The following LMAN1L variants were observed in gnomAD, a reference collection of about 807,000 sequenced individuals.
The protein encoded by LMAN1L is lectin, mannose binding 1 like.
In LMAN1L, 60 loss-of-function variants were observed where a neutral mutation model predicts 58.3. The ratio of observed to expected loss-of-function variants is 1.03; its 90% CI spans 0.84 to 1.27. The LOEUF is 1.27. Ranked by LOEUF, LMAN1L falls within the 50% of genes most tolerant of loss-of-function variation. The pLI is 0.00. For synonymous variants in LMAN1L, 280 were observed against 271.6 expected, an observed-to-expected ratio of 1.03 and a Z score of -0.31; for missense variants, 629 against 674.0, an observed-to-expected ratio of 0.93 and a Z score of 0.74.
At position 74,816,469 on chromosome 15, in the gene LMAN1L, C is replaced by CT; in HGVS notation, c.375dup (p.Gly126TrpfsTer14). 1 of 1,552,578 alleles carries CT rather than the reference C, an allele frequency of 6.4e-7. No individual in the cohort carries two copies. Among genetic ancestry groups the CT allele is most frequent in the Non-Finnish European group, 8.7e-7 (1 of 1,145,776 alleles). On this transcript the variant is annotated frameshift_variant, in exon 3 of 14. Coordinates refer to ENST00000309664, the MANE Select transcript of LMAN1L (RefSeq NM_021819.3). LOFTEE classifies it high-confidence loss of function. ...GGGCAGGGGCCATGTAGGCTCTGTC[C>CT]TTGGGGGGCTGGCTTCGTGGGACGG...
intron 4 of LMAN1L, 58 bp downstream of exon 4, chr15:74,816,748 C>A: frequency 6.7e-7 from 1 of 1,499,378 alleles, no homozygotes; most frequent in Non-Finnish European, 9.1e-7. Flanking sequence ...AGGGGCCCAT[C>A]CCCCCCATCC....
intron 4 of LMAN1L, 112 bp downstream of exon 4, chr15:74,816,802 G>A (rs1596378245): frequency 2.1e-5 from 22 of 1,048,072 alleles, no homozygotes; most frequent in East Asian, 5.4e-5. Context: ...CCACCCTGCC[G>A]GGCCGCCATA....
intron 7 of LMAN1L, 190 bp downstream of exon 7, chr15:74,820,289 C>T (rs1271573975): frequency 1.6e-6 from 1 of 636,952 alleles, no homozygotes; most frequent in East Asian, 2.7e-5. Context: ...GGCTGGCTGG[C>T]TCAGGCTGTG....
intron 9 of LMAN1L, 52 bp from the exon 10 acceptor site, chr15:74,821,777 G>A: frequency 1.7e-6 from 2 of 1,210,262 alleles, no homozygotes; most frequent in Non-Finnish European, 2.4e-6. Flanking sequence ...GTGTGGGGAA[G>A]AGGGGAGGGG....
At chr15:74,823,951 A>G (rs970706018) in intron 12 of LMAN1L, 1 of 520,188 alleles carries the variant, frequency 1.9e-6, no homozygotes, top group Non-Finnish European at 3.4e-6. Context: ...TCGATCCAAT[A>G]TCCAATGACC....
rs2063933545 is a variant in LMAN1L at position 74,824,754 on chromosome 15, G to A, written c.1451+276G>A. ...GTCAATGCCATGATGTCAGGAAGCT[G>A]AGGGGCTACGAGAGTGCAGGAGAAC... On this transcript the variant is annotated intron_variant, in intron 13 of 13. Coordinates refer to ENST00000309664, the MANE Select transcript of LMAN1L (RefSeq NM_021819.3). 5 of 359,368 alleles carry A rather than the reference G, an allele frequency of 1.4e-5. No individual in the cohort carries two copies. In the East Asian group the frequency reaches 2.4e-4, roughly 18 times the overall value. 22.3% of individuals were successfully genotyped at this position (359,368 alleles called of 1,614,324 possible). A position where few individuals can be genotyped will look rare whatever the true frequency, so the allele number is the denominator to read the frequency against.
In LMAN1L at chr15:74,820,060, G is replaced by C. The variant is rs745454037; in HGVS notation, c.735G>C (p.Leu245=). The C allele has an allele frequency of 5.3e-5, 85 of 1,614,020 alleles. No homozygotes were observed. The highest frequency in any genetic ancestry group is 6.9e-5 in the Non-Finnish European group (82 of 1,180,002). Residue 245 remains leucine (L), a synonymous_variant, in exon 7 of 14, where the codon CTG becomes CTC. Coordinates refer to ENST00000309664, the MANE Select transcript of LMAN1L (RefSeq NM_021819.3). ...CCCTTCCAGATGATCATGATGTCCTGTCCTTCCTGACCTTCAGCCTGAGTG... is the reference window on the plus strand; with the variant it reads ...CCCTTCCAGATGATCATGATGTCCTCTCCTTCCTGACCTTCAGCCTGAGTG... ...TGTLADDHDV[L]SFLTFSLSEP...
At chr15:74,814,344 C>T (rs1257405408) in intron 1 of LMAN1L, among the ~76,000 whole-genome samples, 1 of 149,370 alleles carries the variant, frequency 6.7e-6, no homozygotes, top group Non-Finnish European at 1.5e-5. Context: ...CAGGTGTGTG[C>T]CACCACACGC....
At chr15:74,824,238 G>A (rs2063930693) in intron 12 of LMAN1L, 113 bp from the exon 13 acceptor site, 5 of 1,015,092 alleles carry the variant, frequency 4.9e-6, no homozygotes, top group Non-Finnish European at 7.3e-6. Flanking sequence ...ATGAGAGCCA[G>A]GACGCCCCAA....
At chr15:74,824,251 C>A in intron 12 of LMAN1L, 100 bp from the exon 13 acceptor site, 1 of 1,208,534 alleles carries the variant, frequency 8.3e-7, no homozygotes, top group Non-Finnish European at 1.2e-6. Context: ...CGCCCCAAGC[C>A]TGGGGAAAGG....
chr15:74,821,865 GGGA>G lies in LMAN1L; in HGVS notation c.1099_1101del (p.Arg367del). 1 of 1,612,832 alleles carries G rather than the reference GGGA, an allele frequency of 6.2e-7. No homozygotes were observed. The highest frequency in any genetic ancestry group is 8.5e-7 in the Non-Finnish European group (1 of 1,179,028). Reference sequence around the variant, plus strand: ...TTCCTGCCAGATTCCATCCACCCCAGGGAGGGGTGGCCACCTCTCCATGTCACT... The same window carrying G: ...TTCCTGCCAGATTCCATCCACCCCAGGGGGTGGCCACCTCTCCATGTCACT... On this transcript the variant is annotated inframe_deletion, in exon 10 of 14. Coordinates refer to ENST00000309664, the MANE Select transcript of LMAN1L (RefSeq NM_021819.3).
In LMAN1L at chr15:74,821,093, T is replaced by C. The variant is rs941073585; in HGVS notation, c.926T>C (p.Leu309Pro). 1.3e-6 allele frequency: 2 copies of C among 1,576,192 alleles called. No homozygotes were observed. The highest frequency in any genetic ancestry group is 1.7e-6 in the Non-Finnish European group (2 of 1,161,206). The change falls in exon 9 of 14, where the codon CTG (leucine) becomes CCG (proline). Residue 309 changes from leucine (L) to proline (P), a missense_variant. By Grantham distance (98) the Leu-to-Pro change is moderately conservative. Coordinates refer to ENST00000309664, the MANE Select transcript of LMAN1L (RefSeq NM_021819.3). ...AQGEGERLFD[L>P]EETLGRHRRI... The stretch of plus-strand genomic sequence containing the variant: ...TCCCCAGGGGAAAGGCTCTTTGACC[T>C]GGAGGAGACGCTGGGCAGACACCGC...
chr15:74,819,429 G>C (rs2063907271), intron 6 of LMAN1L, 157 bp downstream of exon 6: 5 of 932,060 alleles, frequency 5.4e-6, no homozygotes, highest in South Asian at 2.0e-5. Context: ...CTTGAGACTT[G>C]CAAGTCTCAA....
At chr15:74,816,610 G>T (rs2063892351) in intron 3 of LMAN1L, 22 bp from the exon 4 acceptor site, 1 of 1,610,546 alleles carries the variant, frequency 6.2e-7, no homozygotes, top group East Asian at 2.2e-5. Flanking sequence ...CGCGGCTCAG[G>T]CTGCTTCTCA....
Position 74,812,911 on chromosome 15 carries a change from C to A in LMAN1L, c.57C>A (p.Asp19Glu). The A allele has an allele frequency of 6.2e-7, 1 of 1,613,736 alleles. No homozygotes were observed. Among genetic ancestry groups the A allele is most frequent in the South Asian group, 1.1e-5 (1 of 91,042 alleles). Reference sequence around the variant, plus strand: ...TCTGCCTTCTCCTCCTGCTCCTGGACCCCCACAGCCCTGAGACGGGGTGTC... The same window carrying A: ...TCTGCCTTCTCCTCCTGCTCCTGGAACCCCACAGCCCTGAGACGGGGTGTC... ...PLFCLLLLLL[D>E]PHSPETGCPP... Residue 19 changes from aspartate to glutamate, a missense_variant, in exon 1 of 14, where the codon GAC becomes GAA. Physicochemically the swap from Asp to Glu is conservative, Grantham distance 45. Coordinates refer to ENST00000309664, the MANE Select transcript of LMAN1L (RefSeq NM_021819.3).
chr15:74,817,912 C>A (rs2063898928), intron 4 of LMAN1L, among the ~76,000 whole-genome samples: 1 of 151,332 alleles, frequency 6.6e-6, no homozygotes, highest in Non-Finnish European at 1.5e-5. Context: ...ACTCGGGAGG[C>A]TGAGGCAGGA....
intron 4 of LMAN1L, among the ~76,000 whole-genome samples, chr15:74,818,014 G>GA (rs368241559): frequency 0.55 from 69,923 of 126,702 alleles, 20,053 homozygotes; most frequent in Non-Finnish European, 0.69. Context: ...CTCCGTCTCA[G>GA]AAAAAAAAAA....
chr15:74,812,866 C>A lies in LMAN1L; in HGVS notation c.12C>A (p.Val4=). Residue 4 remains valine (V), a synonymous_variant, in exon 1 of 14, where the codon GTC becomes GTA. Coordinates refer to ENST00000309664, the MANE Select transcript of LMAN1L (RefSeq NM_021819.3). MPA[V]SGPGPLFCLL... ...CAGGCGCCTTCACGATGCCGGCGGT[C>A]AGTGGTCCAGGTCCCTTATTCTGCC... 1 of 1,599,742 alleles carries A rather than the reference C, an allele frequency of 6.3e-7. No homozygotes were observed. Among genetic ancestry groups the A allele is most frequent in the South Asian group, 1.1e-5 (1 of 89,820 alleles).
chr15:74,820,941 C>A, intron 8 of LMAN1L, 134 bp from the exon 9 acceptor site: 2 of 1,334,840 alleles, frequency 1.5e-6, no homozygotes, highest in Non-Finnish European at 2.0e-6. Flanking sequence ...TCAGACTCAT[C>A]TTCCAGGAGA....
Sources: gnomAD v4.1 joint callset for allele counts (sites outside exome capture counted in the v4.1 genomes callset) on GRCh38, gnomAD v4.1.1 for gene constraint, MANE v1.5 for transcripts, NCBI Gene and HGNC (gene_info 2026-07-23, HGNC 2026-07-21) for gene names.